The following ATRNL1 variants were observed in gnomAD, a reference collection of about 807,000 sequenced individuals.
The protein encoded by ATRNL1 is attractin-like protein 1.
ATRNL1 carries 95 observed loss-of-function variants against 182.7 expected under a neutral mutation model. The ratio of observed to expected loss-of-function variants is 0.52; its 90% CI spans 0.44 to 0.62. The LOEUF (loss-of-function observed/expected upper bound fraction) is 0.62. Ranked by LOEUF, ATRNL1 falls within the 20% of genes least tolerant of loss-of-function variation. The probability of loss-of-function intolerance (pLI) is 0.00; values close to 1 mark genes in which losing one functional copy is unlikely to be tolerated. For missense variants in ATRNL1, 1,471 were observed against 1,679.5 expected, an observed-to-expected ratio of 0.88 and a Z score of 2.17; for synonymous variants, 576 against 568.3, an observed-to-expected ratio of 1.01 and a Z score of -0.19.
intron 11 of ATRNL1, among the ~76,000 whole-genome samples, chr10:115,266,283 T>C (rs1262294925): frequency 1.3e-5 from 2 of 151,754 alleles, no homozygotes. Flanking sequence ...CTTAGTTTTC[T>C]TATTTTAAAA....
intron 21 of ATRNL1, among the ~76,000 whole-genome samples, chr10:115,445,599 C>A (rs1846938825): frequency 6.9e-6 from 1 of 145,658 alleles, no homozygotes; most frequent in Non-Finnish European, 1.5e-5. Context: ...TTTTTTTTAA[C>A]AATAACTTCA....
intron 20 of ATRNL1, among the ~76,000 whole-genome samples, chr10:115,418,356 A>G (rs1358841693): frequency 1.3e-5 from 2 of 152,184 alleles, no homozygotes; most frequent in East Asian, 3.9e-4. Context: ...ATCAAACAAA[A>G]GAAAGAATTA....
At chr10:115,741,042 A>G (rs1463232198) in intron 27 of ATRNL1, among the ~76,000 whole-genome samples, 2 of 152,168 alleles carry the variant, frequency 1.3e-5, no homozygotes, top group South Asian at 2.1e-4. Flanking sequence ...AACAAACTCT[A>G]TATACTATGA....
intron 25 of ATRNL1, among the ~76,000 whole-genome samples, chr10:115,531,625 G>T (rs1325443490): frequency 1.1e-4 from 17 of 150,670 alleles, no homozygotes; most frequent in East Asian, 7.8e-4. Context: ...AGAAGCTCTT[G>T]AGTTTAATTA....
chr10:115,347,291 GTTTC>G (rs1554940036), intron 19 of ATRNL1, among the ~76,000 whole-genome samples: 1 of 152,086 alleles, frequency 6.6e-6, no homozygotes, highest in African/African-American at 2.4e-5. Flanking sequence ...GAGTTTCCGT[GTTTC>G]TTAAAGTTGG....
intron 26 of ATRNL1, among the ~76,000 whole-genome samples, chr10:115,637,388 A>C (rs1858943594): frequency 6.6e-6 from 1 of 152,240 alleles, no homozygotes; most frequent in African/African-American, 2.4e-5. Flanking sequence ...CATCTGTCTT[A>C]GTTTTTTTAA....
chr10:115,735,003 T>C (rs1311668508), intron 27 of ATRNL1, among the ~76,000 whole-genome samples: 5 of 152,200 alleles, frequency 3.3e-5, no homozygotes, highest in East Asian at 1.9e-4. Context: ...CCAATTTTCT[T>C]TGTTTTTGTT....
At chr10:115,334,444 G>A in intron 19 of ATRNL1, 25 bp downstream of exon 19, 11 of 1,495,268 alleles carry the variant, frequency 7.4e-6, no homozygotes, top group Non-Finnish European at 9.0e-6. Context: ...AGCAAATTTT[G>A]GTGTATTTTT....
At chr10:115,314,788 G>C (rs575356599) in intron 17 of ATRNL1, among the ~76,000 whole-genome samples, 6 of 152,036 alleles carry the variant, frequency 3.9e-5, no homozygotes, top group Non-Finnish European at 7.4e-5. Flanking sequence ...AGTCTCATAG[G>C]TTATACCTGA....
intron 3 of ATRNL1, among the ~76,000 whole-genome samples, chr10:115,124,269 T>C (rs1554872663): frequency 2.6e-5 from 4 of 152,110 alleles, no homozygotes. Flanking sequence ...TCCTACTCTG[T>C]CCTAAAAGTT....
At chr10:115,776,058 C>T (rs1237098702) in intron 27 of ATRNL1, among the ~76,000 whole-genome samples, 2 of 151,964 alleles carry the variant, frequency 1.3e-5, no homozygotes, top group African/African-American at 4.8e-5. Context: ...CTGTTATAGG[C>T]TGTCTGCTTT....
chr10:115,947,318 G>A lies in ATRNL1; in HGVS notation c.*2539G>A, dbSNP rs1555126116. 6.6e-6 allele frequency: 1 copy of A among 152,426 alleles called. No homozygotes were observed. The highest frequency in any genetic ancestry group is 6.6e-5 in the Admixed American group (1 of 15,264). The allele number at this position is 152,426 out of a possible 1,614,324, so 9.4% of individuals were successfully genotyped here. ...CTTTCCCAGAATTTCGCAGTTAAAT[G>A]GCTGATCCTCTTGAAAACTAACCTT... On this transcript the variant is annotated 3_prime_UTR_variant, in exon 29 of 29. Coordinates refer to ENST00000355044, the MANE Select transcript of ATRNL1 (RefSeq NM_207303.4).
chr10:115,792,292 G>A (rs1368968436), intron 27 of ATRNL1, among the ~76,000 whole-genome samples: 6 of 151,920 alleles, frequency 3.9e-5, no homozygotes, highest in African/African-American at 1.4e-4. Flanking sequence ...TCTTTTGTAC[G>A]CTACAGAGTC....
In ATRNL1 at chr10:115,803,598, T is replaced by C. The variant is rs1422908390; in HGVS notation, c.3904-44279T>C. Among the ~76,000 whole-genome samples, 4 of 140,190 alleles carry C rather than the reference T, an allele frequency of 2.9e-5. No individual in the cohort carries two copies. The East Asian group carries it at 8.1e-4, about 29-fold the overall frequency. 92.0% of individuals were successfully genotyped at this position (140,190 alleles called of 152,430 possible). A position where few individuals can be genotyped will look rare whatever the true frequency, so the allele number is the denominator to read the frequency against. On this transcript the variant is annotated intron_variant, in intron 27 of 28. Transcript: ENST00000355044. The stretch of plus-strand genomic sequence containing the variant: ...TGTTTTAGAAGTTTGGGTTTTTTTG[T>C]GTTTTTTTTTTAACATTTTAAGCAA...
intron 5 of ATRNL1, among the ~76,000 whole-genome samples, chr10:115,134,378 AC>A (rs1450832438): frequency 6.6e-6 from 1 of 152,242 alleles, no homozygotes; most frequent in African/African-American, 2.4e-5. Context: ...CCACAGAGAT[AC>A]AAACAACCAT....
intron 25 of ATRNL1, among the ~76,000 whole-genome samples, chr10:115,544,941 T>G (rs781926362): frequency 6.6e-6 from 1 of 152,190 alleles, no homozygotes; most frequent in Non-Finnish European, 1.5e-5. Flanking sequence ...GCAAAGCAAG[T>G]GTTCTTAAAC....
intron 26 of ATRNL1, among the ~76,000 whole-genome samples, chr10:115,611,317 C>T (rs1259694678): frequency 2.0e-5 from 3 of 151,960 alleles, no homozygotes; most frequent in South Asian, 4.1e-4. Context: ...CTTTGGAGAG[C>T]AATTTTTATC....
intron 8 of ATRNL1, among the ~76,000 whole-genome samples, chr10:115,174,389 TACTTA>T (rs1847413482): frequency 6.6e-6 from 1 of 151,844 alleles, no homozygotes; most frequent in Non-Finnish European, 1.5e-5. Flanking sequence ...TTAAAATGAG[TACTTA>T]ACTTAGTCTA....
intron 27 of ATRNL1, among the ~76,000 whole-genome samples, chr10:115,816,753 G>C (rs190079745): frequency 6.6e-6 from 1 of 151,920 alleles, no homozygotes; most frequent in Admixed American, 6.6e-5. Context: ...GTTTCTTCAC[G>C]TAATGCCTGT....
Sources: gnomAD v4.1 joint callset for allele counts (sites outside exome capture counted in the v4.1 genomes callset) on GRCh38, gnomAD v4.1.1 for gene constraint, MANE v1.5 for transcripts, NCBI Gene and HGNC (gene_info 2026-07-23, HGNC 2026-07-21) for gene names.